The following LIMS1 variants were observed in gnomAD, a reference collection of about 807,000 sequenced individuals.
The protein encoded by LIMS1 is LIM zinc finger domain containing 1.
In LIMS1, 18 loss-of-function variants were observed where a neutral mutation model predicts 44.1. That is an observed-to-expected ratio of 0.41 (90% CI 0.28 to 0.61). The LOEUF (loss-of-function observed/expected upper bound fraction) is 0.61, where lower values mean the gene tolerates loss of function less well. Ranked by LOEUF, LIMS1 falls within the 20% of genes least tolerant of loss-of-function variation. The probability of loss-of-function intolerance (pLI) is 0.32; values close to 1 mark genes in which losing one functional copy is unlikely to be tolerated. For missense variants in LIMS1, 201 were observed against 422.0 expected (o/e 0.48, Z 4.59); for synonymous variants, 93 against 149.1 (o/e 0.62, Z 2.74).
At chr2:108,646,331 C>G (rs928414400) in intron 1 of LIMS1, among the ~76,000 whole-genome samples, 3 of 152,174 alleles carry the variant, frequency 2.0e-5, no homozygotes, top group African/African-American at 2.4e-5. Context: ...GAAACTCACT[C>G]AAAACCACAC....
intron 1 of LIMS1, among the ~76,000 whole-genome samples, chr2:108,549,138 A>G (rs1684590731): frequency 1.3e-5 from 2 of 152,210 alleles, no homozygotes; most frequent in South Asian, 2.1e-4. Context: ...GATGCGCAGT[A>G]TATTTTATTT....
At chr2:108,674,202 T>C (rs1341420235) in intron 5 of LIMS1, among the ~76,000 whole-genome samples, 1 of 151,508 alleles carries the variant, frequency 6.6e-6, no homozygotes, top group Non-Finnish European at 1.5e-5. Flanking sequence ...CGGTGGCGGG[T>C]GCCTATAGTC....
chr2:108,640,734 A>G (rs1342125830), intron 1 of LIMS1, among the ~76,000 whole-genome samples: 1 of 152,256 alleles, frequency 6.6e-6, no homozygotes, highest in Non-Finnish European at 1.5e-5. Context: ...ATAAGGATCA[A>G]ATCGGGGTAA....
chr2:108,674,303 C>G (rs1341337120), intron 5 of LIMS1, among the ~76,000 whole-genome samples: 3 of 151,964 alleles, frequency 2.0e-5, no homozygotes, highest in Non-Finnish European at 4.4e-5. Context: ...GCACTCGAAC[C>G]TGGGAGACAG....
intron 1 of LIMS1, among the ~76,000 whole-genome samples, chr2:108,573,306 C>CTTTTTTTTTT (rs1313789655): frequency 7.1e-6 from 1 of 141,020 alleles, no homozygotes. Flanking sequence ...CTTTTCTTTT[C>CTTTTTTTTTT]TTTTTTTTTT....
At chr2:108,655,018 C>G in intron 1 of LIMS1, 1 of 1,611,412 alleles carries the variant, frequency 6.2e-7, no homozygotes, top group Non-Finnish European at 8.5e-7. Flanking sequence ...TATTGTTTCT[C>G]CTGGCTCTGT....
intron 1 of LIMS1, among the ~76,000 whole-genome samples, chr2:108,638,779 C>G (rs1689455017): frequency 6.6e-6 from 1 of 152,044 alleles, no homozygotes; most frequent in Admixed American, 6.5e-5. Context: ...CACGGTGGCT[C>G]ACGCCTGTAA....
upstream of LIMS1, chr2:108,534,240 G>C (rs576608637): frequency 6.2e-6 from 1 of 161,724 alleles, no homozygotes; most frequent in African/African-American, 2.4e-5. Flanking sequence ...CCGAGCCACG[G>C]GTTGGGGCGG....
intron 1 of LIMS1, among the ~76,000 whole-genome samples, chr2:108,576,378 C>G (rs13397635): frequency 0.021 from 3,212 of 152,256 alleles, 48 homozygotes; most frequent in Non-Finnish European, 0.025. Flanking sequence ...GCTGGAATTA[C>G]AGGCATGCAC....
At chr2:108,549,496 T>C (rs894303182) in intron 1 of LIMS1, among the ~76,000 whole-genome samples, 1 of 151,928 alleles carries the variant, frequency 6.6e-6, no homozygotes, top group Non-Finnish European at 1.5e-5. Flanking sequence ...GGTTTCCCCA[T>C]GTTGGCCAGG....
exon 4 of LIMS1, chr2:108,672,365 C>T (rs1231701484): frequency 7.6e-7 from 1 of 1,318,152 alleles, no homozygotes; most frequent in South Asian, 1.3e-5. Context: ...CCATGAATAA[C>T]AGCTGGCATC....
At chr2:108,629,080 T>C (rs1166023736) in intron 1 of LIMS1, among the ~76,000 whole-genome samples, 6 of 152,228 alleles carry the variant, frequency 3.9e-5, no homozygotes, top group African/African-American at 1.4e-4. Flanking sequence ...CATCTGCTAT[T>C]ATAGCTGTTT....
chr2:108,590,577 C>T (rs546706788), intron 1 of LIMS1, among the ~76,000 whole-genome samples: 4 of 152,296 alleles, frequency 2.6e-5, no homozygotes, highest in African/African-American at 9.6e-5. Context: ...CCAAAAAGAG[C>T]GGGGAACCCC....
At chr2:108,636,064 G>A (rs905127657) in intron 1 of LIMS1, among the ~76,000 whole-genome samples, 1 of 152,188 alleles carries the variant, frequency 6.6e-6, no homozygotes, top group Admixed American at 6.5e-5. Context: ...ATAAGGAATT[G>A]GCTAGTAAGA....
exon 9 of LIMS1, chr2:108,680,737 C>T (rs755107967): frequency 6.2e-7 from 1 of 1,610,200 alleles, no homozygotes; most frequent in Non-Finnish European, 8.5e-7. Context: ...AACTGCTTTG[C>T]CTGTTCTACC....
chr2:108,663,056 A>C (rs981779822), intron 2 of LIMS1, among the ~76,000 whole-genome samples: 2 of 152,230 alleles, frequency 1.3e-5, no homozygotes, highest in African/African-American at 4.8e-5. Flanking sequence ...CACTTACCAG[A>C]ACATATATCT....
intron 1 of LIMS1, chr2:108,607,028 A>AAGTAAGTTCAATACT (rs1196244077): frequency 1.5e-5 from 9 of 587,854 alleles, no homozygotes; most frequent in Non-Finnish European, 2.7e-5. Context: ...TGAACTTCTA[A>AAGTAAGTTCAATACT]CCCCAAAGTA....
intron 1 of LIMS1, among the ~76,000 whole-genome samples, chr2:108,586,483 T>G (rs1350849641): frequency 6.6e-6 from 1 of 152,128 alleles, no homozygotes; most frequent in Non-Finnish European, 1.5e-5. Flanking sequence ...ACTGTTTTCT[T>G]CATGAATAAG....
chr2:108,676,105 C>A (rs1692544170), intron 6 of LIMS1, 77 bp downstream of exon 6: 1 of 1,476,304 alleles, frequency 6.8e-7, no homozygotes, highest in African/African-American at 1.4e-5. Flanking sequence ...TTTCAGATCT[C>A]CCATGATTCA....
Sources: gnomAD v4.1 joint callset for allele counts (sites outside exome capture counted in the v4.1 genomes callset) on GRCh38, gnomAD v4.1.1 for gene constraint, MANE v1.5 for transcripts, NCBI Gene and HGNC (gene_info 2026-07-23, HGNC 2026-07-21) for gene names.